CTBP2: variants seen among roughly 807,000 people sequenced by gnomAD.
CTBP2 encodes C-terminal-binding protein 2.
In CTBP2, 30 loss-of-function variants were observed where a neutral mutation model predicts 80.3. The observed-to-expected ratio is 0.37, with a 90% CI of 0.28 to 0.51. The LOEUF is 0.51. Ranked by LOEUF, CTBP2 falls within the 20% of genes least tolerant of loss-of-function variation. The probability of loss-of-function intolerance (pLI) is 0.93; values close to 1 mark genes in which losing one functional copy is unlikely to be tolerated. For synonymous variants in CTBP2, 594 were observed against 587.4 expected (o/e 1.01, Z -0.16); for missense variants, 1,212 against 1,375.3 (o/e 0.88, Z 1.88).
intron 2 of CTBP2, among the ~76,000 whole-genome samples, chr10:125,107,405 G>A (rs1416435874): frequency 6.6e-6 from 1 of 152,008 alleles, no homozygotes; most frequent in African/African-American, 2.4e-5. Context: ...GAAGGACTCT[G>A]GGGGCCACAC....
chr10:125,019,369 T>A (rs945901286), intron 1 of CTBP2, among the ~76,000 whole-genome samples: 1 of 152,198 alleles, frequency 6.6e-6, no homozygotes. Context: ...GCAAGGAATC[T>A]GTGAAAAAGC....
At chr10:125,151,589 G>A (rs80091581) in intron 1 of CTBP2, among the ~76,000 whole-genome samples, 1 of 152,222 alleles carries the variant, frequency 6.6e-6, no homozygotes, top group African/African-American at 2.4e-5. Context: ...CCACCATCGC[G>A]CAGTCAATCA....
chr10:124,994,824 G>T, intron 4 of CTBP2, 141 bp from the exon 7 acceptor site: 1 of 882,968 alleles, frequency 1.1e-6, no homozygotes, highest in South Asian at 1.6e-5. Flanking sequence ...CCAAAGCTTA[G>T]TGAGGCCTGA....
intron 2 of CTBP2, among the ~76,000 whole-genome samples, chr10:125,063,853 C>A (rs559448730): frequency 6.6e-6 from 1 of 152,314 alleles, no homozygotes; most frequent in East Asian, 1.9e-4. Context: ...GGTGTCTGGG[C>A]AAGAAGGGTG....
At position 124,987,368 on chromosome 10, in the gene CTBP2, A is replaced by AT. The variant is rs1952078921; in HGVS notation, c.*2149dup. 6.6e-6 allele frequency: 1 copy of AT among 151,438 alleles called. No homozygotes were observed. The highest frequency in any genetic ancestry group is 2.4e-5 in the African/African-American group (1 of 41,142). 9.4% of individuals were successfully genotyped at this position (151,438 alleles called of 1,614,324 possible). On this transcript the variant is annotated 3_prime_UTR_variant, in exon 9 of 9. Coordinates refer to ENST00000309035, the MANE Select transcript of CTBP2 (RefSeq NM_022802.3). The stretch of plus-strand genomic sequence containing the variant: ...TTCTTCCTTGGGGTCAAATTTATAT[A>AT]TATATATATAAATTTTTGTTTGGGC...
chr10:125,020,084 T>A (rs117549600), intron 1 of CTBP2, among the ~76,000 whole-genome samples: 1,703 of 152,296 alleles, frequency 0.011, 11 homozygotes, highest in Non-Finnish European at 0.018. Context: ...CAGGTGAACA[T>A]GGGGCCACTC....
intron 2 of CTBP2, among the ~76,000 whole-genome samples, chr10:125,062,310 T>C (rs551895538): frequency 6.6e-6 from 1 of 152,202 alleles, no homozygotes; most frequent in East Asian, 1.9e-4. Flanking sequence ...CACTGAACTA[T>C]TTGTTGATGT....
chr10:125,103,168 A>G (rs1159982179), intron 2 of CTBP2, among the ~76,000 whole-genome samples: 1 of 152,060 alleles, frequency 6.6e-6, no homozygotes, highest in Non-Finnish European at 1.5e-5. Context: ...TCTGCAGAAA[A>G]CACTCCCAGC....
At chr10:125,062,784 A>C (rs543439766) in intron 2 of CTBP2, among the ~76,000 whole-genome samples, 4 of 152,352 alleles carry the variant, frequency 2.6e-5, no homozygotes, top group African/African-American at 9.6e-5. Context: ...AATCTCTTGA[A>C]CCTGGGAGAT....
At chr10:125,073,775 A>C (rs1429459294) in intron 2 of CTBP2, among the ~76,000 whole-genome samples, 1 of 152,240 alleles carries the variant, frequency 6.6e-6, no homozygotes, top group African/African-American at 2.4e-5. Flanking sequence ...CTGGACACAT[A>C]AAATGGCCAG....
intron 1 of CTBP2, chr10:125,122,992 T>C (rs1174897140): frequency 1.3e-5 from 2 of 152,256 alleles, no homozygotes; most frequent in Non-Finnish European, 2.9e-5. Context: ...GGCAATGCTG[T>C]AAGGTTCCAT....
At position 124,986,287 on chromosome 10, in the gene CTBP2, GCGCGCACACACA is replaced by G. The variant is rs1433888161; in HGVS notation, c.*3219_*3230del. On this transcript the variant is annotated 3_prime_UTR_variant, in exon 9 of 9. Transcript: ENST00000309035. The stretch of plus-strand genomic sequence containing the variant: ...GGAAAGACGACACACGCACGCGCGC[GCGCGCACACACA>G]CACACACACACACACACACACACAG... 2.7e-5 allele frequency: 2 copies of G among 73,022 alleles called. No homozygotes were observed. The highest frequency in any genetic ancestry group is 8.4e-5 in the African/African-American group (2 of 23,688). 4.5% of individuals were successfully genotyped at this position (73,022 alleles called of 1,614,324 possible).
At chr10:125,087,592 T>C (rs546039575) in intron 2 of CTBP2, among the ~76,000 whole-genome samples, 2 of 152,320 alleles carry the variant, frequency 1.3e-5, no homozygotes, top group Non-Finnish European at 2.9e-5. Context: ...CCCACTCACA[T>C]GTCTCTCATC....
intron 1 of CTBP2, among the ~76,000 whole-genome samples, chr10:125,140,370 C>T (rs1003369421): frequency 2.0e-5 from 3 of 151,556 alleles, no homozygotes; most frequent in Admixed American, 2.0e-4. Context: ...CCGCTTAAAC[C>T]TGCCCTCAGC....
intron 2 of CTBP2, among the ~76,000 whole-genome samples, chr10:125,051,543 G>A (rs1484632984): frequency 6.6e-6 from 1 of 152,100 alleles, no homozygotes; most frequent in East Asian, 1.9e-4. Flanking sequence ...AGGAGGCTGA[G>A]GCAGGAGAAT....
At position 124,998,097 on chromosome 10, in the gene CTBP2, G is replaced by A. The variant is rs904214855; in HGVS notation, c.2052C>T (p.Asn684=). The A allele has an allele frequency of 6.2e-6, 10 of 1,612,812 alleles. No individual in the cohort carries two copies. Among genetic ancestry groups the A allele is most frequent in the Non-Finnish European group, 8.5e-6 (10 of 1,179,736 alleles). ...ACAGCCACGTGTTCCTCCGGTACAG[G>A]TTGAGGATGTGGCAGATGGTAGAGT... is the stretch of plus-strand genomic sequence containing the variant. The change falls in exon 4 of 9, where the codon AAC becomes AAT. Residue 684 remains asparagine, a synonymous_variant. Transcript: ENST00000309035.
chr10:125,005,731 C>T, intron 1 of CTBP2: 2 of 1,612,942 alleles, frequency 1.2e-6, no homozygotes, highest in Non-Finnish European at 8.5e-7. Flanking sequence ...AAGATTCCTT[C>T]TGTTTCAGTA....
chr10:125,102,936 C>T (rs764736709), intron 2 of CTBP2, among the ~76,000 whole-genome samples: 7 of 152,200 alleles, frequency 4.6e-5, no homozygotes, highest in Non-Finnish European at 1.0e-4. Context: ...CCCTCACCTA[C>T]GAGGCTGCCG....
chr10:125,152,954 C>T (rs1200106193), intron 1 of CTBP2, among the ~76,000 whole-genome samples: 1 of 152,220 alleles, frequency 6.6e-6, no homozygotes, highest in African/African-American at 2.4e-5. Flanking sequence ...ACAGTATCCT[C>T]CCCAGCTCAT....
Sources: gnomAD v4.1 joint callset for allele counts (sites outside exome capture counted in the v4.1 genomes callset) on GRCh38, gnomAD v4.1.1 for gene constraint, MANE v1.5 for transcripts, NCBI Gene and HGNC (gene_info 2026-07-23, HGNC 2026-07-21) for gene names.